The following THSD7B variants were observed in gnomAD, a reference collection of about 807,000 sequenced individuals.
THSD7B encodes the protein thrombospondin type-1 domain-containing protein 7B.
THSD7B carries 138 observed loss-of-function variants against 213.6 expected under a neutral mutation model. That is an observed-to-expected ratio of 0.65 (90% CI 0.56 to 0.74). The LOEUF is 0.74. Ranked by LOEUF, THSD7B falls within the 30% of genes least tolerant of loss-of-function variation. The pLI, the probability that THSD7B is intolerant of heterozygous loss-of-function variation, is 0.00. For synonymous variants in THSD7B, 742 were observed against 687.0 expected (o/e 1.08, Z -1.25); for missense variants, 1,931 against 1,991.5 (o/e 0.97, Z 0.58).
chr2:136,834,589 G>T (rs1000972950), intron 1 of THSD7B, among the ~76,000 whole-genome samples: 7 of 151,762 alleles, frequency 4.6e-5, no homozygotes, highest in African/African-American at 1.7e-4. Context: ...TTTTATGCTG[G>T]AAATGTCTAG....
chr2:136,964,081 A>G (rs1685275266), intron 2 of THSD7B, among the ~76,000 whole-genome samples: 1 of 152,184 alleles, frequency 6.6e-6, no homozygotes, highest in Non-Finnish European at 1.5e-5. Context: ...GAATATTTTC[A>G]CTTTGAATTT....
At chr2:137,010,565 G>A (rs1686212833) in intron 2 of THSD7B, among the ~76,000 whole-genome samples, 1 of 152,200 alleles carries the variant, frequency 6.6e-6, no homozygotes, top group Admixed American at 6.5e-5. Flanking sequence ...CCTGTAAGGT[G>A]TGTAAGGGGC....
intron 17 of THSD7B, among the ~76,000 whole-genome samples, chr2:137,590,047 T>C (rs1374345835): frequency 1.3e-5 from 2 of 152,098 alleles, no homozygotes; most frequent in Non-Finnish European, 2.9e-5. Flanking sequence ...TTCATGGCCC[T>C]CCTGATTTTT....
chr2:137,068,246 A>G (rs1044416454), intron 3 of THSD7B, among the ~76,000 whole-genome samples: 1 of 152,082 alleles, frequency 6.6e-6, no homozygotes, highest in Non-Finnish European at 1.5e-5. Context: ...GGAAACCAGA[A>G]GTCACCATTA....
intron 2 of THSD7B, among the ~76,000 whole-genome samples, chr2:136,911,102 A>G (rs1334395110): frequency 6.6e-6 from 1 of 152,206 alleles, no homozygotes; most frequent in East Asian, 1.9e-4. Context: ...TGATGCTGAA[A>G]TAACTTGGGA....
intron 17 of THSD7B, among the ~76,000 whole-genome samples, chr2:137,582,774 C>T (rs929336671): frequency 1.3e-5 from 2 of 152,050 alleles, no homozygotes; most frequent in East Asian, 3.9e-4. Flanking sequence ...AGTCTTTGCT[C>T]TTGTGAATAC....
intron 9 of THSD7B, among the ~76,000 whole-genome samples, chr2:137,236,718 A>G (rs983806084): frequency 1.3e-5 from 2 of 152,206 alleles, no homozygotes; most frequent in African/African-American, 4.8e-5. Context: ...TGAGATGAAT[A>G]CATCAGTTCC....
intron 5 of THSD7B, among the ~76,000 whole-genome samples, chr2:137,124,138 C>T (rs1688592654): frequency 6.6e-6 from 1 of 152,248 alleles, no homozygotes; most frequent in East Asian, 1.9e-4. Flanking sequence ...ATTTGGAAAA[C>T]CACGCTGAGA....
At chr2:137,141,486 ACACACACT>A (rs1043991306) in intron 5 of THSD7B, among the ~76,000 whole-genome samples, 8 of 43,468 alleles carry the variant, frequency 1.8e-4, no homozygotes, top group Non-Finnish European at 3.2e-4. Context: ...ATGTGTGCAC[ACACACACT>A]CACACACACA....
intron 2 of THSD7B, among the ~76,000 whole-genome samples, chr2:137,034,207 C>T (rs911142807): frequency 6.6e-6 from 1 of 151,992 alleles, no homozygotes; most frequent in Non-Finnish European, 1.5e-5. Flanking sequence ...ATTGATGGTG[C>T]TGGGAAAACT....
intron 1 of THSD7B, among the ~76,000 whole-genome samples, chr2:136,807,970 A>G (rs1166371284): frequency 6.6e-6 from 1 of 152,214 alleles, no homozygotes; most frequent in African/African-American, 2.4e-5. Context: ...CTTAGTGGAT[A>G]AGAGCTAGGA....
intron 1 of THSD7B, among the ~76,000 whole-genome samples, chr2:136,853,102 CT>C (rs1683126958): frequency 6.6e-6 from 1 of 151,910 alleles, no homozygotes; most frequent in Non-Finnish European, 1.5e-5. Context: ...GAATACTCTA[CT>C]GTTTCCCACC....
chr2:137,320,579 G>A (rs937706707), intron 12 of THSD7B, among the ~76,000 whole-genome samples: 1 of 152,132 alleles, frequency 6.6e-6, no homozygotes, highest in Non-Finnish European at 1.5e-5. Context: ...ACTAGTGTCA[G>A]GGTTGTAATT....
At chr2:137,567,543 G>C (rs1558842543) in intron 16 of THSD7B, among the ~76,000 whole-genome samples, 1 of 152,118 alleles carries the variant, frequency 6.6e-6, no homozygotes, top group African/African-American at 2.4e-5. Flanking sequence ...CCAGGTGAAA[G>C]AAGTTAATGG....
intron 13 of THSD7B, among the ~76,000 whole-genome samples, chr2:137,406,925 A>G (rs977049267): frequency 1.3e-5 from 2 of 152,214 alleles, no homozygotes; most frequent in Non-Finnish European, 2.9e-5. Flanking sequence ...TGTATGTGAC[A>G]GGAATAGTTG....
intron 15 of THSD7B, among the ~76,000 whole-genome samples, chr2:137,465,135 C>G (rs542032225): frequency 1.3e-5 from 2 of 151,802 alleles, no homozygotes; most frequent in South Asian, 4.2e-4. Context: ...TATATTAATC[C>G]TTTTTTCTAC....
intron 15 of THSD7B, among the ~76,000 whole-genome samples, chr2:137,545,475 G>A (rs1680690179): frequency 1.3e-5 from 2 of 151,744 alleles, no homozygotes; most frequent in African/African-American, 4.8e-5. Context: ...ACCCATCATT[G>A]AAATGAAGCC....
At chr2:137,331,206 A>C (rs573534187) in intron 12 of THSD7B, among the ~76,000 whole-genome samples, 5 of 150,990 alleles carry the variant, frequency 3.3e-5, no homozygotes, top group Non-Finnish European at 5.9e-5. Context: ...TGGTGTATTT[A>C]CAATCCCAGA....
intron 12 of THSD7B, among the ~76,000 whole-genome samples, chr2:137,397,571 G>A (rs1000453861): frequency 2.6e-5 from 4 of 151,266 alleles, no homozygotes; most frequent in African/African-American, 4.9e-5. Flanking sequence ...AGGGTAACCC[G>A]ACCTTTCTCT....
Sources: allele counts gnomAD v4.1 joint callset (sites outside exome capture counted in the v4.1 genomes callset), GRCh38; gene constraint gnomAD v4.1.1; transcripts MANE v1.5; gene names NCBI Gene and HGNC (gene_info 2026-07-23, HGNC 2026-07-21).